Variants in RAVER2 observed in about 807,000 individuals in gnomAD.
RAVER2 encodes the protein ribonucleoprotein, PTB binding 2.
A neutral mutation model predicts 78.1 loss-of-function variants in RAVER2; 46 were observed. That is an observed-to-expected ratio of 0.59 (90% CI 0.46 to 0.75). The LOEUF (loss-of-function observed/expected upper bound fraction) is 0.75, where lower values mean the gene tolerates loss of function less well. RAVER2 is among the 30% of genes least tolerant of loss of function. RAVER2 has a pLI of 0.00. For synonymous variants in RAVER2, 311 were observed against 313.3 expected, an observed-to-expected ratio of 0.99 and a Z score of 0.08; for missense variants, 793 against 837.5, an observed-to-expected ratio of 0.95 and a Z score of 0.66.
chr1:64,808,340 A>T (rs1244899056), intron 9 of RAVER2, among the ~76,000 whole-genome samples: 1 of 152,012 alleles, frequency 6.6e-6, no homozygotes, highest in Non-Finnish European at 1.5e-5. Flanking sequence ...AGTTTCTTGT[A>T]TTCAAGTGTC....
chr1:64,822,439 C>T (rs1653912900), intron 11 of RAVER2, among the ~76,000 whole-genome samples: 1 of 152,124 alleles, frequency 6.6e-6, no homozygotes, highest in Non-Finnish European at 1.5e-5. Flanking sequence ...TAGATTTGTG[C>T]AGGCAGAAGA....
At chr1:64,820,060 A>G (rs1653848238) in intron 11 of RAVER2, among the ~76,000 whole-genome samples, 1 of 152,226 alleles carries the variant, frequency 6.6e-6, no homozygotes, top group South Asian at 2.1e-4. Flanking sequence ...AATAGTGTAA[A>G]GGACAATAAG....
At chr1:64,804,225 C>A (rs1051658944) in intron 6 of RAVER2, among the ~76,000 whole-genome samples, 19 of 152,176 alleles carry the variant, frequency 1.2e-4, no homozygotes, top group Non-Finnish European at 2.4e-4. Context: ...CTTGAATCTT[C>A]CAGGCTAAAT....
chr1:64,805,736 C>A (rs1283354396), intron 8 of RAVER2, among the ~76,000 whole-genome samples: 1 of 151,748 alleles, frequency 6.6e-6, no homozygotes, highest in African/African-American at 2.4e-5. Flanking sequence ...GAAGGGCCAC[C>A]AATAATTTAA....
chr1:64,771,321 G>A (rs1394186590), intron 2 of RAVER2, among the ~76,000 whole-genome samples: 3 of 151,840 alleles, frequency 2.0e-5, no homozygotes, highest in Admixed American at 6.6e-5. Flanking sequence ...TTAACCTATT[G>A]AAAATATCTT....
In RAVER2 at chr1:64,777,617, T is replaced by G. The variant is rs1326965968; in HGVS notation, c.317-6T>G. ...AAACTCTTTAATTCATTTCGTTATCTTCCAGCTTTTGTTACCTTATTGAAT... is the reference window on the plus strand; with the variant it reads ...AAACTCTTTAATTCATTTCGTTATCGTCCAGCTTTTGTTACCTTATTGAAT... On this transcript the variant is annotated splice_polypyrimidine_tract_variant and splice_region_variant and intron_variant, in intron 2 of 11. Transcript: ENST00000294428. The G allele has an allele frequency of 8.2e-6, 13 of 1,591,688 alleles. No individual in the cohort carries two copies. The highest frequency in any genetic ancestry group is 1.1e-5 in the Non-Finnish European group (13 of 1,168,288).
chr1:64,797,694 C>T (rs1653132145), intron 5 of RAVER2, among the ~76,000 whole-genome samples: 1 of 152,016 alleles, frequency 6.6e-6, no homozygotes, highest in Non-Finnish European at 1.5e-5. Context: ...CTGGTAATAT[C>T]TTTTGATCTG....
exon 12 of RAVER2, chr1:64,832,561 G>C (rs1654181215): frequency 6.6e-6 from 1 of 152,060 alleles, no homozygotes; most frequent in African/African-American, 2.4e-5. Flanking sequence ...TCGTCACTTT[G>C]GGGACTTGTT....
intron 11 of RAVER2, among the ~76,000 whole-genome samples, chr1:64,830,488 G>A (rs1239718295): frequency 2.6e-5 from 4 of 152,172 alleles, no homozygotes; most frequent in Admixed American, 2.6e-4. Context: ...TCCTCCTTCA[G>A]AGGAATACTG....
chr1:64,747,302 C>G (rs1285639616), intron 1 of RAVER2, among the ~76,000 whole-genome samples: 1 of 152,090 alleles, frequency 6.6e-6, no homozygotes, highest in Non-Finnish European at 1.5e-5. Context: ...ATTTTACTGT[C>G]AACTTACTGA....
At chr1:64,803,507 T>A (rs1653327898) in intron 6 of RAVER2, among the ~76,000 whole-genome samples, 1 of 152,142 alleles carries the variant, frequency 6.6e-6, no homozygotes, top group Non-Finnish European at 1.5e-5. Flanking sequence ...ATAAATATTT[T>A]AAATGTGTGT....
chr1:64,798,589 G>A (rs572572163), intron 5 of RAVER2, among the ~76,000 whole-genome samples: 2 of 152,214 alleles, frequency 1.3e-5, no homozygotes, highest in African/African-American at 4.8e-5. Context: ...GTTATTTGTG[G>A]TTTCCATAAT....
At chr1:64,817,402 G>A (rs1287300583) in intron 11 of RAVER2, among the ~76,000 whole-genome samples, 1 of 151,992 alleles carries the variant, frequency 6.6e-6, no homozygotes, top group Non-Finnish European at 1.5e-5. Flanking sequence ...CCCATTACTG[G>A]GTATATACCC....
intron 5 of RAVER2, among the ~76,000 whole-genome samples, chr1:64,796,009 G>A (rs1035676139): frequency 2.0e-5 from 3 of 151,674 alleles, no homozygotes; most frequent in East Asian, 3.9e-4. Context: ...GATGGTTGCT[G>A]GAACTTGTTG....
chr1:64,781,723 GTTAGCT>G, intron 4 of RAVER2, 152 bp downstream of exon 4: 2 of 822,840 alleles, frequency 2.4e-6, no homozygotes, highest in Non-Finnish European at 3.5e-6. Context: ...TTTAAAAAAG[GTTAGCT>G]AAATGGTTTC....
At chr1:64,777,848 A>C in exon 3 of RAVER2, 5 of 1,614,134 alleles carry the variant, frequency 3.1e-6, no homozygotes, top group Non-Finnish European at 4.2e-6. Context: ...GTTACTGGCC[A>C]TTCCAAAGGC....
exon 12 of RAVER2, chr1:64,832,603 A>AATT (rs1275888619): frequency 6.6e-6 from 1 of 152,146 alleles, no homozygotes; most frequent in Non-Finnish European, 1.5e-5. Context: ...ATCCTGTTTT[A>AATT]ATTATGAAGT....
At position 64,752,113 on chromosome 1, in the gene RAVER2, A is replaced by G. The variant is rs550734950; in HGVS notation, c.249+6692A>G. Among the ~76,000 whole-genome samples, 20 of 152,330 alleles carry G rather than the reference A, an allele frequency of 1.3e-4. No individual in the cohort carries two copies. The South Asian group carries it at 3.9e-3, about 30-fold the overall frequency. On this transcript the variant is annotated intron_variant, in intron 1 of 11. Coordinates refer to ENST00000294428, the Ensembl canonical transcript of RAVER2. ...CTGAATAGCTTCCATTTGCTCTTCCAGATCTATTCTCGACCCTTCTCACCC... is the reference window on the plus strand; with the variant it reads ...CTGAATAGCTTCCATTTGCTCTTCCGGATCTATTCTCGACCCTTCTCACCC...
At chr1:64,752,064 G>A (rs948969855) in intron 1 of RAVER2, among the ~76,000 whole-genome samples, 16 of 152,258 alleles carry the variant, frequency 1.1e-4, no homozygotes, top group Admixed American at 9.8e-4. Context: ...ATGATTATGG[G>A]CAGGATAGCC....
Sources: gnomAD v4.1 joint callset for allele counts (sites outside exome capture counted in the v4.1 genomes callset) on GRCh38, gnomAD v4.1.1 for gene constraint, MANE v1.5 for transcripts, NCBI Gene and HGNC (gene_info 2026-07-23, HGNC 2026-07-21) for gene names.